Variants in LSG1 observed in about 807,000 individuals in gnomAD.
The protein encoded by LSG1 is large 60S subunit nuclear export GTPase 1, also known as large subunit GTPase 1 homolog.
Under a neutral mutation model 82.6 loss-of-function variants are expected in LSG1, and 55 were observed. That is an observed-to-expected ratio of 0.67 (90% CI 0.54 to 0.83). LSG1 has a LOEUF of 0.83. LSG1 is among the 40% of genes least tolerant of loss of function. The pLI is 0.00. For missense variants in LSG1, 809 were observed against 807.9 expected (o/e 1.00, Z -0.02); for synonymous variants, 272 against 282.5 (o/e 0.96, Z 0.37).
chr3:194,644,379 AATAAAAATAAAT>A lies in LSG1; in HGVS notation c.1797+182_1797+193del, dbSNP rs1319118314. On this transcript the variant is annotated intron_variant, in intron 13 of 13. Coordinates refer to ENST00000265245, the MANE Select transcript of LSG1 (RefSeq NM_018385.3). ...GCGAGACTCCGTCTCAAAAAAAAAA[AATAAAAATAAAT>A]AAATAAATAAATAAATAAATAAATA... 2.5e-3 allele frequency among the ~76,000 whole-genome samples: 201 copies of A among 79,120 alleles called. 5 individuals are homozygous for A. Among genetic ancestry groups the A allele is most frequent in the Non-Finnish European group, 3.2e-3 (116 of 36,374 alleles). The allele number at this position is 79,120 out of a possible 152,430, so 51.9% of individuals were successfully genotyped here. A position where few individuals can be genotyped will look rare whatever the true frequency, so the allele number is the denominator to read the frequency against.
rs1179997386 is a variant in LSG1, at chr3:194,667,297, C to T, written c.227-725G>A. Among the ~76,000 whole-genome samples, 5 of 152,086 alleles carry T rather than the reference C, an allele frequency of 3.3e-5. No individual in the cohort carries two copies. The East Asian group carries it at 7.8e-4, about 24-fold the overall frequency. Reference sequence around the variant, plus strand: ...AACTACTGACCTCAGGTGATCCGCCCGCCTCGGCCTCCCAAAGTGCTGGGG... The same window carrying T: ...AACTACTGACCTCAGGTGATCCGCCTGCCTCGGCCTCCCAAAGTGCTGGGG... On this transcript the variant is annotated intron_variant, in intron 2 of 13. Transcript: ENST00000265245.
Position 194,652,848 on chromosome 3 carries a change from G to A in LSG1, c.1054C>T (p.Pro352Ser), listed in dbSNP as rs34690286. The change falls in exon 8 of 14, where the codon CCA (proline) becomes TCA (serine). Residue 352 changes from proline to serine, a missense_variant. Pro to Ser is a moderately conservative substitution (Grantham distance 74). Transcript: ENST00000265245. Reference protein sequence around the residue: ...ADSEARSRKTPQKRQIHNFSH... With the variant: ...ADSEARSRKTSQKRQIHNFSH... ...AAATTGTGTATCTGCCTCTTCTGTGGGGTTTTCCTGCTCCGAGCCTCAGAA... is the reference window on the plus strand; with the variant it reads ...AAATTGTGTATCTGCCTCTTCTGTGAGGTTTTCCTGCTCCGAGCCTCAGAA... 1.1e-3 allele frequency: 1,798 copies of A among 1,614,096 alleles called. 15 individuals carry two copies. In the African/African-American group the frequency reaches 0.016, roughly 15 times the overall value.
intron 7 of LSG1, among the ~76,000 whole-genome samples, chr3:194,657,458 G>GTTTTTTTT (rs58115258): frequency 2.2e-5 from 3 of 139,152 alleles, no homozygotes; most frequent in South Asian, 2.3e-4. Context: ...TGCTTAGTAA[G>GTTTTTTTT]TTTTTTTTTT....
At position 194,670,152 on chromosome 3, in the gene LSG1, G is replaced by A. The variant is rs202057261; in HGVS notation, c.100-17C>T. Reference sequence around the variant, plus strand: ...TGTGTGCAACTATGAAAAAACACAGGGTGATAAATACAGCTGCTCTCTTCT... The same window carrying A: ...TGTGTGCAACTATGAAAAAACACAGAGTGATAAATACAGCTGCTCTCTTCT... On this transcript the variant is annotated splice_polypyrimidine_tract_variant and intron_variant, in intron 1 of 13. Transcript: ENST00000265245. The A allele has an allele frequency of 6.2e-7, 1 of 1,612,796 alleles. No homozygotes were observed. Among genetic ancestry groups the A allele is most frequent in the Non-Finnish European group, 8.5e-7 (1 of 1,179,176 alleles).
At chr3:194,660,753 G>A (rs576458028) in intron 5 of LSG1, 17 of 400,966 alleles carry the variant, frequency 4.2e-5, no homozygotes, top group African/African-American at 8.3e-5. Context: ...TAGGTTGCCC[G>A]GCTGAAGCAG....
At chr3:194,652,644 T>A in intron 8 of LSG1, 85 bp downstream of exon 8, 1 of 1,426,950 alleles carries the variant, frequency 7.0e-7, no homozygotes, top group Non-Finnish European at 9.6e-7. Flanking sequence ...GGAAGCCTGG[T>A]TGGTCTTTGG....
chr3:194,661,795 G>C (rs1412620592), intron 5 of LSG1, among the ~76,000 whole-genome samples: 1 of 152,114 alleles, frequency 6.6e-6, no homozygotes, highest in Admixed American at 6.6e-5. Context: ...CCTTGAGCTA[G>C]AAAACATGTT....
intron 11 of LSG1, among the ~76,000 whole-genome samples, chr3:194,648,283 A>C (rs1718595717): frequency 6.6e-6 from 1 of 151,890 alleles, no homozygotes; most frequent in African/African-American, 2.4e-5. Context: ...TATCCTAACC[A>C]AGCTCCACTC....
Position 194,642,215 on chromosome 3 carries a change from C to CA in LSG1, c.1829_1830insT (p.Gln610HisfsTer21). The stretch of plus-strand genomic sequence containing the variant: ...TCCCGGGCTTGTAACCCATCACAGC[C>CA]TGGACTCCTTTGGTCAAAGCCCTCA... On this transcript the variant is annotated frameshift_variant, in exon 14 of 14. Coordinates refer to ENST00000265245, the MANE Select transcript of LSG1 (RefSeq NM_018385.3). LOFTEE classifies it high-confidence loss of function. The CA allele has an allele frequency of 6.2e-7, 1 of 1,614,068 alleles. No homozygotes were observed. Among genetic ancestry groups the CA allele is most frequent in the South Asian group, 1.1e-5 (1 of 91,054 alleles).
Position 194,666,413 on chromosome 3 carries a change from C to T in LSG1, c.347+39G>A, listed in dbSNP as rs200178945. The T allele has an allele frequency of 1.3e-5, 21 of 1,608,778 alleles. No individual in the cohort carries two copies. The East Asian group carries it at 1.3e-4, about 10-fold the overall frequency. On this transcript the variant is annotated intron_variant, in intron 3 of 13. Transcript: ENST00000265245. Reference sequence around the variant, plus strand: ...TTAAAAAATGAATACTCAGCAGCCTCGGATGTTTTGTGGCATTCTAAATTC... The same window carrying T: ...TTAAAAAATGAATACTCAGCAGCCTTGGATGTTTTGTGGCATTCTAAATTC...
In LSG1 at chr3:194,672,133, C is replaced by G. The variant is rs777437543; in HGVS notation, c.30G>C (p.Gly10=). The G allele has an allele frequency of 1.2e-6, 2 of 1,606,080 alleles. No homozygotes were observed. The highest frequency in any genetic ancestry group is 2.7e-5 in the African/African-American group (2 of 74,814). Residue 10 remains glycine (G), a synonymous_variant, in exon 1 of 14, where the codon GGG becomes GGC. Coordinates refer to ENST00000265245, the MANE Select transcript of LSG1 (RefSeq NM_018385.3). MGRRRAPAG[G]SLGRALMRHQ... ...GGCGCATAAGGGCCCGTCCCAGCGA[C>G]CCACCGGCCGGGGCTCTCCTCCGGC...
chr3:194,651,281 G>T, intron 8 of LSG1, 65 bp from the exon 9 acceptor site: 1 of 1,082,346 alleles, frequency 9.2e-7, no homozygotes, highest in Non-Finnish European at 1.4e-6. Flanking sequence ...TCAAAGATAT[G>T]ACATAGATGG....
At chr3:194,660,359 G>A (rs1389963061) in intron 5 of LSG1, among the ~76,000 whole-genome samples, 1 of 152,172 alleles carries the variant, frequency 6.6e-6, no homozygotes, top group Non-Finnish European at 1.5e-5. Context: ...AGCCAGAATG[G>A]GAGCCCAGGC....
chr3:194,658,934 A>G, intron 7 of LSG1, 23 bp downstream of exon 7: 2 of 1,575,884 alleles, frequency 1.3e-6, no homozygotes, highest in Non-Finnish European at 1.7e-6. Flanking sequence ...TTGAAAGCCA[A>G]CCTAAAATGT....
At chr3:194,671,923 C>T in intron 1 of LSG1, 141 bp downstream of exon 1, 1 of 743,382 alleles carries the variant, frequency 1.3e-6, no homozygotes, top group Non-Finnish European at 2.3e-6. Context: ...GCCTGCTACT[C>T]AGCTTGGCAG....
chr3:194,657,458 GTTT>G (rs58115258), intron 7 of LSG1, among the ~76,000 whole-genome samples: 8 of 139,156 alleles, frequency 5.7e-5, no homozygotes, highest in Non-Finnish European at 9.2e-5. Flanking sequence ...TGCTTAGTAA[GTTT>G]TTTTTTTTTT....
chr3:194,645,575 G>GACACACACACACACACAGACAC, intron 12 of LSG1, among the ~76,000 whole-genome samples: 1 of 20,140 alleles, frequency 5.0e-5, no homozygotes, highest in South Asian at 2.4e-3. Context: ...CACACAGACA[G>GACACACACACACACACAGACAC]ACACACACAC....
chr3:194,643,185 T>C (rs1356050881), intron 13 of LSG1, among the ~76,000 whole-genome samples: 2 of 152,274 alleles, frequency 1.3e-5, no homozygotes, highest in African/African-American at 4.8e-5. Flanking sequence ...AAATACTGCC[T>C]ACAAATTGTA....
chr3:194,645,852 T>C (rs183065611), intron 12 of LSG1, among the ~76,000 whole-genome samples: 80 of 152,288 alleles, frequency 5.3e-4, no homozygotes, highest in African/African-American at 1.9e-3. Flanking sequence ...AATATAGAGA[T>C]AGGCATATAA....
Sources: gnomAD v4.1 joint callset for allele counts (sites outside exome capture counted in the v4.1 genomes callset) on GRCh38, gnomAD v4.1.1 for gene constraint, MANE v1.5 for transcripts, NCBI Gene and HGNC (gene_info 2026-07-23, HGNC 2026-07-21) for gene names.